Variants in KANK1 observed in about 807,000 individuals in gnomAD.
KANK1 encodes KN motif and ankyrin repeat domains 1.
In KANK1, 109 loss-of-function variants were observed where a neutral mutation model predicts 106.2. That is an observed-to-expected ratio of 1.03 (90% CI 0.88 to 1.20). The LOEUF (loss-of-function observed/expected upper bound fraction) is 1.20, where lower values mean the gene tolerates loss of function less well. Ranked by LOEUF, KANK1 falls within the 50% of genes most tolerant of loss-of-function variation. KANK1 has a pLI of 0.00. For synonymous variants in KANK1, 873 were observed against 652.2 expected, an observed-to-expected ratio of 1.34 and a Z score of -5.16; for missense variants, 2,399 against 1,710.7, an observed-to-expected ratio of 1.40 and a Z score of -7.10.
At chr9:667,942 G>C (rs1483209338) in intron 1 of KANK1, among the ~76,000 whole-genome samples, 1 of 151,912 alleles carries the variant, frequency 6.6e-6, no homozygotes, top group East Asian at 1.9e-4. Flanking sequence ...TGTTAGTCAG[G>C]CTGGTCCCGA....
chr9:587,728 C>T lies in KANK1; in HGVS notation c.-84+82974C>T, dbSNP rs534914761. On this transcript the variant is annotated intron_variant, in intron 1 of 11. Transcript: ENST00000382297. ...TATATATTAATTTATTCTCATAACC[C>T]TTGGTACTTTTATTATCCTCATTTA... Among the ~76,000 whole-genome samples the T allele has an allele frequency of 3.3e-5, 5 of 152,236 alleles. No individual in the cohort carries two copies. The South Asian group carries it at 8.3e-4, about 25-fold the overall frequency.
intron 1 of KANK1, among the ~76,000 whole-genome samples, chr9:580,414 A>C (rs1655863216): frequency 6.6e-6 from 1 of 152,162 alleles, no homozygotes; most frequent in South Asian, 2.1e-4. Context: ...CTGCTGGCTC[A>C]GGCATCTGCT....
At chr9:598,426 A>G (rs959480818) in intron 1 of KANK1, among the ~76,000 whole-genome samples, 1 of 151,470 alleles carries the variant, frequency 6.6e-6, no homozygotes, top group Admixed American at 6.6e-5. Context: ...TAAGGAGTAC[A>G]TTGAATCTGC....
intron 1 of KANK1, among the ~76,000 whole-genome samples, chr9:624,544 C>T (rs995020697): frequency 1.9e-4 from 29 of 152,082 alleles, no homozygotes; most frequent in African/African-American, 5.1e-4. Context: ...TGGCTCATGC[C>T]TGTAATCCCA....
intron 9 of KANK1, among the ~76,000 whole-genome samples, chr9:741,428 T>A (rs115975759): frequency 0.025 from 3,738 of 151,548 alleles, 72 homozygotes; most frequent in Middle Eastern, 0.045. Context: ...GTTGCAGTGA[T>A]TCTCCTGCCT....
intron 1 of KANK1, among the ~76,000 whole-genome samples, chr9:533,587 G>C (rs990324752): frequency 1.3e-5 from 2 of 152,172 alleles, no homozygotes; most frequent in African/African-American, 4.8e-5. Flanking sequence ...ATCCTGAATA[G>C]TTTTTACTGG....
rs1417099038 is a variant in KANK1 at position 740,827 on chromosome 9, T to C, written c.3589T>C (p.Tyr1197His). The C allele has an allele frequency of 6.2e-7, 1 of 1,612,874 alleles. No homozygotes were observed. Among genetic ancestry groups the C allele is most frequent in the Non-Finnish European group, 8.5e-7 (1 of 1,179,374 alleles). The change falls in exon 9 of 12, where the codon TAC becomes CAC. Residue 1197 changes from tyrosine to histidine, a missense_variant. By Grantham distance (83) the Tyr-to-His change is moderately conservative (BLOSUM62 2). Coordinates refer to ENST00000382297, the MANE Select transcript of KANK1 (RefSeq NM_015158.5). ...TGTGGATCACCAGAACAAGGCAGGC[T>C]ACACCCCCATCATGTTGGCGGCCCT... ...CNVDHQNKAG[Y>H]TPIMLAALAA...
intron 1 of KANK1, among the ~76,000 whole-genome samples, chr9:566,191 T>C (rs1334278772): frequency 6.6e-6 from 1 of 152,228 alleles, no homozygotes; most frequent in Non-Finnish European, 1.5e-5. Context: ...CATGATCTTA[T>C]TCTTTTTTAT....
chr9:536,766 C>T (rs1274196040), intron 1 of KANK1, among the ~76,000 whole-genome samples: 1 of 152,192 alleles, frequency 6.6e-6, no homozygotes. Flanking sequence ...AACATAGTCA[C>T]AGGTTTGGGA....
intron 2 of KANK1, among the ~76,000 whole-genome samples, chr9:688,354 C>G (rs1370306441): frequency 6.6e-6 from 1 of 152,142 alleles, no homozygotes. Flanking sequence ...GCTTGTAATC[C>G]CAACACTTTG....
chr9:615,255 C>A lies in KANK1; in HGVS notation c.-83-61635C>A, dbSNP rs1831528676. ...CTGGCATAGTATCATCTTTTTGATA[C>A]CAACATACTATAAATATATTTTATT... is the stretch of plus-strand genomic sequence containing the variant. On this transcript the variant is annotated intron_variant, in intron 1 of 11. Coordinates refer to ENST00000382297, the MANE Select transcript of KANK1 (RefSeq NM_015158.5). Among the ~76,000 whole-genome samples, 3 of 152,130 alleles carry A rather than the reference C, an allele frequency of 2.0e-5. No individual in the cohort carries two copies. In the South Asian group the frequency reaches 6.2e-4, roughly 31 times the overall value.
intron 1 of KANK1, among the ~76,000 whole-genome samples, chr9:576,979 T>C (rs1427926674): frequency 6.6e-6 from 1 of 152,196 alleles, no homozygotes; most frequent in Admixed American, 6.5e-5. Flanking sequence ...CCGGAGTTTG[T>C]TCCTTCAGAT....
At chr9:575,597 G>T (rs1234593016) in intron 1 of KANK1, among the ~76,000 whole-genome samples, 3 of 152,074 alleles carry the variant, frequency 2.0e-5, no homozygotes, top group Admixed American at 2.0e-4. Flanking sequence ...CTTGAGCCTG[G>T]GAGGTTGAGG....
At chr9:741,505 T>TTTTTTA (rs1835501181) in intron 9 of KANK1, among the ~76,000 whole-genome samples, 1 of 126,396 alleles carries the variant, frequency 7.9e-6, no homozygotes, top group African/African-American at 3.1e-5. Flanking sequence ...TTTTTTTTTT[T>TTTTTTA]GAGACTAAGT....
chr9:504,794 G>GCTGCGCCCCGTGCCGCGCT, intron 1 of KANK1, 40 bp downstream of exon 1: 1 of 145,258 alleles, frequency 6.9e-6, no homozygotes, highest in Non-Finnish European at 1.5e-5. Flanking sequence ...CCCGTGCCGC[G>GCTGCGCCCCGTGCCGCGCT]GCGAGGTTGT....
intron 10 of KANK1, among the ~76,000 whole-genome samples, chr9:743,317 A>G (rs1318017812): frequency 6.6e-6 from 1 of 152,176 alleles, no homozygotes; most frequent in East Asian, 1.9e-4. Context: ...TGAGGGACTG[A>G]CTAGCTTCAC....
intron 1 of KANK1, among the ~76,000 whole-genome samples, chr9:614,165 T>TTAC: frequency 6.6e-6 from 1 of 152,212 alleles, no homozygotes; most frequent in South Asian, 2.1e-4. Context: ...GGGGCAGGAG[T>TTAC]TACTGACAAG....
At chr9:652,399 T>A (rs1841097767) in intron 1 of KANK1, among the ~76,000 whole-genome samples, 1 of 152,196 alleles carries the variant, frequency 6.6e-6, no homozygotes, top group Non-Finnish European at 1.5e-5. Flanking sequence ...GGTCTGCACC[T>A]GTAATCCCAG....
intron 2 of KANK1, among the ~76,000 whole-genome samples, chr9:689,326 C>G (rs1819316017): frequency 6.6e-6 from 1 of 152,128 alleles, no homozygotes; most frequent in African/African-American, 2.4e-5. Context: ...TTTTTCTTGT[C>G]TTTTAAGGTA....
Sources: gnomAD v4.1 joint callset for allele counts (sites outside exome capture counted in the v4.1 genomes callset) on GRCh38, gnomAD v4.1.1 for gene constraint, MANE v1.5 for transcripts, NCBI Gene and HGNC (gene_info 2026-07-23, HGNC 2026-07-21) for gene names.